LRRC4C: variants seen among roughly 807,000 people sequenced by gnomAD.
LRRC4C encodes leucine rich repeat containing 4C, also known as leucine-rich repeat-containing protein 4C.
A neutral mutation model predicts 33.6 loss-of-function variants in LRRC4C; 5 were observed. The ratio of observed to expected loss-of-function variants is 0.15; its 90% CI spans 0.08 to 0.31. The LOEUF (loss-of-function observed/expected upper bound fraction) is 0.31, where lower values mean the gene tolerates loss of function less well. Among genes scored for constraint, LRRC4C ranks in the 10% least tolerant of loss-of-function variants. The probability of loss-of-function intolerance (pLI) is 1.00; values close to 1 mark genes in which losing one functional copy is unlikely to be tolerated. For synonymous variants in LRRC4C, 329 were observed against 302.0 expected, an observed-to-expected ratio of 1.09 and a Z score of -0.93; for missense variants, 560 against 796.7, an observed-to-expected ratio of 0.70 and a Z score of 3.58.
chr11:40,641,907 A>G (rs1321812356), intron 3 of LRRC4C, among the ~76,000 whole-genome samples: 3 of 152,198 alleles, frequency 2.0e-5, no homozygotes, highest in East Asian at 1.9e-4. Flanking sequence ...CCGCAGTTTC[A>G]TAGACTTTAT....
intron 1 of LRRC4C, among the ~76,000 whole-genome samples, chr11:41,046,256 C>T (rs1246981650): frequency 6.6e-6 from 1 of 152,112 alleles, no homozygotes; most frequent in Non-Finnish European, 1.5e-5. Context: ...CACAGCCATT[C>T]CACAAGGTAA....
chr11:40,486,958 T>C (rs1013041), intron 3 of LRRC4C, among the ~76,000 whole-genome samples: 78,563 of 151,728 alleles, frequency 0.52, 20,530 homozygotes, highest in East Asian at 0.73. Context: ...TTTTTTGTAT[T>C]AGAAACTGGA....
chr11:40,713,537 T>C (rs1038007547), intron 2 of LRRC4C, among the ~76,000 whole-genome samples: 1 of 152,160 alleles, frequency 6.6e-6, no homozygotes, highest in African/African-American at 2.4e-5. Flanking sequence ...CTCTTAATTG[T>C]TTCTTCAACT....
intron 3 of LRRC4C, among the ~76,000 whole-genome samples, chr11:40,408,910 T>G (rs1950058152): frequency 1.3e-5 from 2 of 151,910 alleles, no homozygotes; most frequent in Admixed American, 1.3e-4. Context: ...AAAAACAATC[T>G]AATATTCATA....
intron 2 of LRRC4C, among the ~76,000 whole-genome samples, chr11:40,800,962 C>A (rs1248375667): frequency 6.6e-6 from 1 of 152,098 alleles, no homozygotes; most frequent in East Asian, 1.9e-4. Flanking sequence ...TCATAAACTT[C>A]TTCACTACCT....
intron 1 of LRRC4C, among the ~76,000 whole-genome samples, chr11:40,956,845 A>G (rs972834182): frequency 6.6e-6 from 1 of 151,742 alleles, no homozygotes; most frequent in Non-Finnish European, 1.5e-5. Context: ...CTTCATAGGC[A>G]TGGAACATTT....
At position 40,239,245 on chromosome 11, in the gene LRRC4C, A is replaced by C. The variant is rs577343105; in HGVS notation, c.-96+2274T>G. ...ATTTTCCCCCAAATCTAGTGTTTTT[A>C]AGCTCAAACTGCCTTATATTTGGTT... On this transcript the variant is annotated intron_variant, in intron 5 of 6. Transcript: ENST00000528697. Among the ~76,000 whole-genome samples, 3 of 152,278 alleles carry C rather than the reference A, an allele frequency of 2.0e-5. No individual in the cohort carries two copies. In the East Asian group the frequency reaches 5.8e-4, roughly 29 times the overall value.
At chr11:40,701,272 G>T (rs538062192) in intron 2 of LRRC4C, among the ~76,000 whole-genome samples, 2 of 152,176 alleles carry the variant, frequency 1.3e-5, no homozygotes, top group African/African-American at 4.8e-5. Context: ...TTATATTAAA[G>T]TTCTTTGATT....
At chr11:40,625,271 G>A (rs994085579) in intron 3 of LRRC4C, among the ~76,000 whole-genome samples, 40 of 152,184 alleles carry the variant, frequency 2.6e-4, no homozygotes, top group Non-Finnish European at 4.7e-4. Context: ...GTATTAGTCT[G>A]TTCTCATGCT....
At chr11:40,758,042 T>C (rs146217275) in intron 2 of LRRC4C, among the ~76,000 whole-genome samples, 9 of 152,190 alleles carry the variant, frequency 5.9e-5, no homozygotes, top group African/African-American at 1.7e-4. Context: ...TTCAATGCAG[T>C]GACGTTGTTG....
intron 5 of LRRC4C, among the ~76,000 whole-genome samples, chr11:40,189,037 G>C (rs1232429938): frequency 6.6e-6 from 1 of 152,148 alleles, no homozygotes; most frequent in East Asian, 1.9e-4. Flanking sequence ...AACAAAACCA[G>C]TCTGTCTGCT....
At chr11:40,349,120 T>A (rs1290910979) in intron 3 of LRRC4C, among the ~76,000 whole-genome samples, 1 of 152,190 alleles carries the variant, frequency 6.6e-6, no homozygotes, top group Admixed American at 6.5e-5. Flanking sequence ...AAACCTACAA[T>A]AAATTAATGT....
chr11:40,484,919 A>T (rs1028230203), intron 3 of LRRC4C, among the ~76,000 whole-genome samples: 1 of 152,132 alleles, frequency 6.6e-6, no homozygotes, highest in Non-Finnish European at 1.5e-5. Context: ...ATATTTAAAT[A>T]TTATTAGGAG....
At chr11:40,616,123 A>C (rs1961795884) in intron 3 of LRRC4C, among the ~76,000 whole-genome samples, 1 of 152,074 alleles carries the variant, frequency 6.6e-6, no homozygotes, top group African/African-American at 2.4e-5. Flanking sequence ...ACTTCTCAAA[A>C]GAAGACATTT....
intron 1 of LRRC4C, among the ~76,000 whole-genome samples, chr11:41,233,741 GCTTT>G (rs1228901889): frequency 1.3e-5 from 2 of 151,812 alleles, no homozygotes; most frequent in Non-Finnish European, 2.9e-5. Context: ...ATATAGAAAA[GCTTT>G]CTTTTATTCA....
chr11:41,402,897 T>A (rs1469681920), intron 1 of LRRC4C, among the ~76,000 whole-genome samples: 1 of 152,042 alleles, frequency 6.6e-6, no homozygotes, highest in Non-Finnish European at 1.5e-5. Context: ...TAAATATGAA[T>A]AATCGAGAGC....
At chr11:41,161,468 T>C (rs1944467620) in intron 1 of LRRC4C, among the ~76,000 whole-genome samples, 1 of 152,150 alleles carries the variant, frequency 6.6e-6, no homozygotes, top group African/African-American at 2.4e-5. Flanking sequence ...ACCAGGACCT[T>C]TGTCTGGTCT....
At chr11:40,925,318 C>G (rs1300899498) in intron 2 of LRRC4C, among the ~76,000 whole-genome samples, 1 of 152,180 alleles carries the variant, frequency 6.6e-6, no homozygotes, top group Non-Finnish European at 1.5e-5. Flanking sequence ...GCAGATGTGT[C>G]ACACATCACT....
At chr11:40,776,092 T>C (rs1949983211) in intron 2 of LRRC4C, among the ~76,000 whole-genome samples, 1 of 152,162 alleles carries the variant, frequency 6.6e-6, no homozygotes, top group African/African-American at 2.4e-5. Context: ...TTTGTGTTTG[T>C]TGAACCAACC....
Sources: allele counts gnomAD v4.1 joint callset (sites outside exome capture counted in the v4.1 genomes callset), GRCh38; gene constraint gnomAD v4.1.1; transcripts MANE v1.5; gene names NCBI Gene and HGNC (gene_info 2026-07-23, HGNC 2026-07-21).